The following MECOM variants were observed in gnomAD, a reference collection of about 807,000 sequenced individuals.
The protein encoded by MECOM is histone-lysine N-methyltransferase MECOM.
In MECOM, 13 loss-of-function variants were observed where a neutral mutation model predicts 116.3. The observed-to-expected ratio is 0.11, with a 90% confidence interval of 0.07 to 0.18. The LOEUF is 0.18. MECOM is among the 10% of genes least tolerant of loss of function. MECOM has a pLI of 1.00. For synonymous variants in MECOM, 528 were observed against 535.2 expected, an observed-to-expected ratio of 0.99 and a Z score of 0.19; for missense variants, 1,299 against 1,509.0, an observed-to-expected ratio of 0.86 and a Z score of 2.31.
intron 2 of MECOM, chr3:169,147,838 T>A (rs1411096653): frequency 3.5e-6 from 1 of 288,634 alleles, no homozygotes; most frequent in Admixed American, 1.8e-4. Context: ...TGAGGGTGTG[T>A]GCACCGAGGC....
chr3:169,207,549 A>G (rs940243966), intron 2 of MECOM, among the ~76,000 whole-genome samples: 1 of 152,312 alleles, frequency 6.6e-6, no homozygotes, highest in Admixed American at 6.5e-5. Flanking sequence ...AGGTTTAAAG[A>G]TCTAATTTTC....
At chr3:169,308,243 G>A (rs1008224915) in intron 2 of MECOM, among the ~76,000 whole-genome samples, 2 of 152,132 alleles carry the variant, frequency 1.3e-5, no homozygotes, top group South Asian at 2.1e-4. Flanking sequence ...GGTACACCAA[G>A]TTACTTAGAG....
At chr3:169,372,874 C>T (rs1018709397) in intron 2 of MECOM, among the ~76,000 whole-genome samples, 5 of 151,964 alleles carry the variant, frequency 3.3e-5, no homozygotes, top group Non-Finnish European at 4.4e-5. Flanking sequence ...CTCAAGCCCA[C>T]AGGACCCCTG....
In MECOM at chr3:169,513,767, T is replaced by C. The variant is rs536195592; in HGVS notation, c.38-132243A>G. 3.3e-4 allele frequency among the ~76,000 whole-genome samples: 50 copies of C among 152,364 alleles called. 1 individual carries two copies. Among genetic ancestry groups the C allele is most frequent in the African/African-American group, 1.1e-3 (45 of 41,580 alleles). On this transcript the variant is annotated intron_variant, in intron 1 of 16. Transcript: ENST00000651503. ...AAAGATGGACAATAATCATCTGTTA[T>C]CTGGGTCACACTGACACATTAATGG...
intron 2 of MECOM, among the ~76,000 whole-genome samples, chr3:169,348,135 C>T (rs1297928121): frequency 1.3e-5 from 2 of 151,998 alleles, no homozygotes; most frequent in Non-Finnish European, 2.9e-5. Flanking sequence ...TCAATGTTCC[C>T]TGAGAAAGCA....
chr3:169,091,894 CAAT>C (rs2148865155), intron 14 of MECOM, among the ~76,000 whole-genome samples: 1 of 151,880 alleles, frequency 6.6e-6, no homozygotes, highest in Admixed American at 6.6e-5. Context: ...GACACTAATC[CAAT>C]AATACTTGTA....
chr3:169,128,054 C>T lies in MECOM; in HGVS notation c.620G>A (p.Arg207Gln), dbSNP rs768694075. ...GTCACAGTCTTCGCAGCGATATTGC[C>T]GTTCTTCTGTGAAAACAATTCAGGT... is the stretch of plus-strand genomic sequence containing the variant. ...ETMAPDIHEERQYRCEDCDQL... is the reference protein window; with the variant it reads ...ETMAPDIHEEQQYRCEDCDQL... Residue 207 changes from arginine (R) to glutamine (Q), a missense_variant, in exon 5 of 17, where the codon CGG (arginine) becomes CAG (glutamine). Physicochemically the swap from Arg to Gln is conservative, Grantham distance 43. This residue lies in a region of MECOM where 374 missense variants were observed against 433.4 expected (regional missense o/e 0.86). Transcript: ENST00000651503. 31 of 1,613,916 alleles carry T rather than the reference C, an allele frequency of 1.9e-5. No individual in the cohort carries two copies. The Admixed American group carries it at 2.3e-4, about 12-fold the overall frequency.
intron 2 of MECOM, among the ~76,000 whole-genome samples, chr3:169,362,125 A>G (rs1009108093): frequency 9.9e-5 from 15 of 151,898 alleles, no homozygotes; most frequent in African/African-American, 3.6e-4. Context: ...TTCTCAAAAC[A>G]TGCCCCAATA....
chr3:169,653,213 C>A (rs1775129980), intron 1 of MECOM, among the ~76,000 whole-genome samples: 2 of 152,054 alleles, frequency 1.3e-5, no homozygotes, highest in Admixed American at 1.3e-4. Context: ...GGTTTTACAG[C>A]CAAAGAAATT....
chr3:169,379,644 C>G (rs995636683), intron 2 of MECOM, among the ~76,000 whole-genome samples: 1 of 152,120 alleles, frequency 6.6e-6, no homozygotes. Context: ...CCTGCATTTA[C>G]CAAGCCTGTA....
At chr3:169,290,507 T>C (rs1437035662) in intron 2 of MECOM, among the ~76,000 whole-genome samples, 9 of 151,986 alleles carry the variant, frequency 5.9e-5, no homozygotes, top group African/African-American at 2.2e-4. Context: ...TGAAAAAAAA[T>C]AATAGCTCCA....
intron 2 of MECOM, among the ~76,000 whole-genome samples, chr3:169,357,098 G>A (rs1727403874): frequency 6.6e-6 from 1 of 151,736 alleles, no homozygotes; most frequent in Admixed American, 6.6e-5. Context: ...ATGGTTAAGA[G>A]GCTTTCATAA....
intron 1 of MECOM, among the ~76,000 whole-genome samples, chr3:169,394,359 C>G (rs936317756): frequency 6.6e-6 from 1 of 152,100 alleles, no homozygotes; most frequent in African/African-American, 2.4e-5. Flanking sequence ...TAATATAAGG[C>G]TGCATTAAAT....
intron 1 of MECOM, among the ~76,000 whole-genome samples, chr3:169,463,778 A>G (rs1747830084): frequency 6.6e-6 from 1 of 152,116 alleles, no homozygotes; most frequent in African/African-American, 2.4e-5. Flanking sequence ...AGAGTGCAAT[A>G]AGATGGCCTT....
intron 1 of MECOM, among the ~76,000 whole-genome samples, chr3:169,565,730 T>C (rs960643737): frequency 1.3e-5 from 2 of 152,124 alleles, no homozygotes; most frequent in Non-Finnish European, 2.9e-5. Flanking sequence ...GTTGCTTTCA[T>C]AGATGGGTTT....
chr3:169,328,558 T>C (rs1722228761), intron 2 of MECOM, among the ~76,000 whole-genome samples: 1 of 152,226 alleles, frequency 6.6e-6, no homozygotes, highest in Non-Finnish European at 1.5e-5. Context: ...TTTGTTAAAA[T>C]ATACTTAAAT....
chr3:169,658,705 A>G (rs1775837293), intron 1 of MECOM, among the ~76,000 whole-genome samples: 1 of 152,170 alleles, frequency 6.6e-6, no homozygotes, highest in African/African-American at 2.4e-5. Context: ...CCACTTCCTC[A>G]GCACCAGACG....
In MECOM at chr3:169,507,736, A is replaced by G. The variant is rs77039097; in HGVS notation, c.38-126212T>C. On this transcript the variant is annotated intron_variant, in intron 1 of 16. Transcript: ENST00000651503. The stretch of plus-strand genomic sequence containing the variant: ...GAGTGCAGTGGCGCGATCTCGGCTC[A>G]CTGCAAGCTCCGCCTCCCGGGTTCA... 0.019 allele frequency among the ~76,000 whole-genome samples: 2,503 copies of G among 131,336 alleles called. 221 individuals carry two copies. In the East Asian group the frequency reaches 0.31, roughly 16 times the overall value. The allele number at this position is 131,336 out of a possible 152,430, so 86.2% of individuals were successfully genotyped here.
rs560662106 is a variant in MECOM, at chr3:169,645,268, T to C, written c.37+18068A>G. 8.6e-5 allele frequency among the ~76,000 whole-genome samples: 13 copies of C among 151,562 alleles called. No homozygotes were observed. In the South Asian group the frequency reaches 2.7e-3, roughly 32 times the overall value. On this transcript the variant is annotated intron_variant, in intron 1 of 16. Coordinates refer to ENST00000651503, the MANE Select transcript of MECOM (RefSeq NM_004991.4). ...GATCCCACCCTAAAACCTAATATCC[T>C]GCTTTTTAACATTTCTGAGTAGACA...
Sources: gnomAD v4.1 joint callset for allele counts (sites outside exome capture counted in the v4.1 genomes callset) on GRCh38, gnomAD v4.1.1 for gene constraint, gnomAD v4.1.1 regional missense constraint, MANE v1.5 for transcripts, NCBI Gene and HGNC (gene_info 2026-07-23, HGNC 2026-07-21) for gene names.